Variants in RHD observed in about 807,000 individuals in gnomAD.
The protein encoded by RHD is blood group Rh(D) polypeptide.
Under a neutral mutation model 45.5 loss-of-function variants are expected in RHD, and 16 were observed. The ratio of observed to expected loss-of-function variants is 0.35; its 90% CI spans 0.24 to 0.53. The LOEUF is 0.53. RHD is among the 20% of genes least tolerant of loss of function. The pLI, the probability that RHD is intolerant of heterozygous loss-of-function variation, is 0.92. For synonymous variants in RHD, 131 were observed against 217.5 expected (o/e 0.60, Z 3.50); for missense variants, 306 against 532.0 (o/e 0.58, Z 4.18).
intron 8 of RHD, among the ~76,000 whole-genome samples, chr1:25,321,598 A>G (rs1489490527): frequency 8.0e-6 from 1 of 125,526 alleles, no homozygotes; most frequent in East Asian, 2.0e-4. Flanking sequence ...TGAACCTGGG[A>G]GGCAGAGGCT....
At chr1:25,297,140 G>A (rs28786680) in intron 3 of RHD, among the ~76,000 whole-genome samples, 101,521 of 102,096 alleles carry the variant, frequency 0.99, 50,584 homozygotes, top group Middle Eastern at 1. Context: ...TCAATCTGGA[G>A]CAGTTTCTTC....
rs559454849 is a variant in RHD, at chr1:25,273,107, T to G, written c.148+412T>G. Among the ~76,000 whole-genome samples, 7 of 130,916 alleles carry G rather than the reference T, an allele frequency of 5.3e-5. No individual in the cohort carries two copies. In the East Asian group the frequency reaches 9.8e-4, roughly 18 times the overall value. The allele number at this position is 130,916 out of a possible 152,430, so 85.9% of individuals were successfully genotyped here. ...CAATTTCATGTTGTTGGGTTTTTGG[T>G]TTTTGTTTCCTTTTTGTGGCCTCTC... is the stretch of plus-strand genomic sequence containing the variant. On this transcript the variant is annotated intron_variant, in intron 1 of 9. Coordinates refer to ENST00000328664, the MANE Select transcript of RHD (RefSeq NM_016124.6).
chr1:25,315,105 G>A (rs1304119366), intron 7 of RHD, among the ~76,000 whole-genome samples: 10 of 128,692 alleles, frequency 7.8e-5, no homozygotes, highest in Admixed American at 6.8e-4. Flanking sequence ...TCGGGAGGCT[G>A]AGATCACGCC....
chr1:25,303,548 G>A lies in RHD; in HGVS notation c.939+89G>A, dbSNP rs915378706. On this transcript the variant is annotated intron_variant, in intron 6 of 9. Coordinates refer to ENST00000328664, the MANE Select transcript of RHD (RefSeq NM_016124.6). ...ATGGGCCACTGTGCAGTGCACAGCT[G>A]CATTAGGCAGGTGTCGGCGCATTCT... The A allele has an allele frequency of 3.0e-5, 36 of 1,211,662 alleles. 8 individuals carry two copies. The highest frequency in any genetic ancestry group is 1.1e-4 in the South Asian group (9 of 80,910). The allele number at this position is 1,211,662 out of a possible 1,614,324, so 75.1% of individuals were successfully genotyped here.
In RHD at chr1:25,276,865, G is replaced by A. The variant is rs1485222516; in HGVS notation, c.148+4170G>A. Among the ~76,000 whole-genome samples the A allele has an allele frequency of 1.5e-5, 2 of 132,222 alleles. 1 individual carries two copies. The highest frequency in any genetic ancestry group is 1.5e-4 in the Admixed American group (2 of 13,608). 86.7% of individuals were successfully genotyped at this position (132,222 alleles called of 152,430 possible). ...GCAGATCACGAGGTCTGGAGATGGA[G>A]ACCATCCTGGCTAACACGATGAAAC... is the stretch of plus-strand genomic sequence containing the variant. On this transcript the variant is annotated intron_variant, in intron 1 of 9. Transcript: ENST00000328664.
At position 25,314,909 on chromosome 1, in the gene RHD, T is replaced by G. The variant is rs1406852987; in HGVS notation, c.1074-2091T>G. Among the ~76,000 whole-genome samples, 3 of 131,288 alleles carry G rather than the reference T, an allele frequency of 2.3e-5. 1 individual carries two copies. Among genetic ancestry groups the G allele is most frequent in the African/African-American group, 7.8e-5 (3 of 38,586 alleles). The allele number at this position is 131,288 out of a possible 152,430, so 86.1% of individuals were successfully genotyped here. ...TTATGTTTAGTTCTTTTATGTCCTT[T>G]TTAAGAATTTTTGCAGCCAGCGCGG... On this transcript the variant is annotated intron_variant, in intron 7 of 9. Transcript: ENST00000328664.
intron 1 of RHD, among the ~76,000 whole-genome samples, chr1:25,276,521 C>A (rs1414208604): frequency 5.0e-5 from 3 of 59,758 alleles, no homozygotes; most frequent in African/African-American, 2.1e-4. Flanking sequence ...AGGGAGACCC[C>A]CCCCCATCTC....
chr1:25,278,637 G>A (rs982415335), intron 1 of RHD, among the ~76,000 whole-genome samples: 1 of 131,226 alleles, frequency 7.6e-6, no homozygotes, highest in African/African-American at 2.6e-5. Flanking sequence ...CTTCCCTAAG[G>A]CTTCCAAACT....
Position 25,304,923 on chromosome 1 carries a change from C to T in RHD, c.939+1464C>T, listed in dbSNP as rs1333122639. On this transcript the variant is annotated intron_variant, in intron 6 of 9. Transcript: ENST00000328664. ...TGAGCTTGTTTCCTTGACTTCATCA[C>T]TGGCAGGACTATTCAAAAATGATTC... The T allele has an allele frequency of 1.5e-5, 2 of 132,174 alleles. 1 individual carries two copies. Among genetic ancestry groups the T allele is most frequent in the Non-Finnish European group, 3.6e-5 (2 of 55,922 alleles). 8.2% of individuals were successfully genotyped at this position (132,174 alleles called of 1,614,324 possible).
In RHD at chr1:25,294,373, T is replaced by A. The variant is rs555547165; in HGVS notation, c.486+3582T>A. ...AGGGCTGCAGCCAGGGAATAGTCCG[T>A]CGCAGAGCAAGGATTCAAATAAGCA... On this transcript the variant is annotated intron_variant, in intron 3 of 9. Coordinates refer to ENST00000328664, the MANE Select transcript of RHD (RefSeq NM_016124.6). 2.3e-5 allele frequency: 18 copies of A among 788,534 alleles called. 2 individuals are homozygous for A. In the South Asian group the frequency reaches 2.4e-4, roughly 10 times the overall value. The allele number at this position is 788,534 out of a possible 1,614,324, so 48.8% of individuals were successfully genotyped here. A position where few individuals can be genotyped will look rare whatever the true frequency, so the allele number is the denominator to read the frequency against.
chr1:25,314,936 G>A (rs568096811), intron 7 of RHD, among the ~76,000 whole-genome samples: 1 of 130,880 alleles, frequency 7.6e-6, no homozygotes, highest in South Asian at 2.3e-4. Context: ...CCAGCGCGGT[G>A]GCTCACACCT....
intron 2 of RHD, among the ~76,000 whole-genome samples, chr1:25,285,203 C>T (rs1291426626): frequency 7.6e-6 from 1 of 130,956 alleles, no homozygotes; most frequent in Non-Finnish European, 1.8e-5. Flanking sequence ...GGCGCTATCT[C>T]GGCACACCAC....
intron 1 of RHD, among the ~76,000 whole-genome samples, chr1:25,283,257 C>T (rs555751542): frequency 8.4e-5 from 11 of 131,670 alleles, no homozygotes; most frequent in African/African-American, 2.6e-4. Context: ...TAGGCCAGGC[C>T]CTGTGGCTCA....
intron 7 of RHD, among the ~76,000 whole-genome samples, chr1:25,309,947 G>A (rs548703851): frequency 7.6e-6 from 1 of 132,446 alleles, no homozygotes; most frequent in South Asian, 2.3e-4. Context: ...CAGCAGGTTT[G>A]GGTTTATCCT....
intron 2 of RHD, among the ~76,000 whole-genome samples, chr1:25,287,872 G>C (rs189620626): frequency 0.023 from 2,796 of 122,332 alleles, 436 homozygotes; most frequent in African/African-American, 0.068. Context: ...ACAGGCGCCT[G>C]CTACCATGCC....
rs1644959022 is a variant in RHD, at chr1:25,329,783, A to G, written c.*859A>G. The stretch of plus-strand genomic sequence containing the variant: ...ATTCTCCTGCCTCAGCCTCCCGAGT[A>G]GCTGGAATTACAAGTGCGCACTACC... On this transcript the variant is annotated 3_prime_UTR_variant, in exon 10 of 10. Transcript: ENST00000328664. 1 of 129,762 alleles carries G rather than the reference A, an allele frequency of 7.7e-6. No individual in the cohort carries two copies. Among genetic ancestry groups the G allele is most frequent in the South Asian group, 2.3e-4 (1 of 4,342 alleles). The allele number at this position is 129,762 out of a possible 1,614,324, so 8.0% of individuals were successfully genotyped here.
At position 25,275,535 on chromosome 1, in the gene RHD, G is replaced by A. The variant is rs141951762; in HGVS notation, c.148+2840G>A. Among the ~76,000 whole-genome samples the A allele has an allele frequency of 8.4e-4, 111 of 131,668 alleles. 13 individuals are homozygous for A. The highest frequency in any genetic ancestry group is 2.2e-3 in the African/African-American group (85 of 38,748). 86.4% of individuals were successfully genotyped at this position (131,668 alleles called of 152,430 possible). ...ATTGACCTGAGGACTTCAACATTCT[G>A]ATGGTGTACACACGATTTTTTGAGC... On this transcript the variant is annotated intron_variant, in intron 1 of 9. Transcript: ENST00000328664.
In RHD at chr1:25,289,297, C is replaced by T. The variant is rs1350153559; in HGVS notation, c.336-1344C>T. Among the ~76,000 whole-genome samples the T allele has an allele frequency of 1.5e-4, 19 of 130,784 alleles. 3 individuals are homozygous for T. The highest frequency in any genetic ancestry group is 3.4e-4 in the African/African-American group (13 of 38,452). 85.8% of individuals were successfully genotyped at this position (130,784 alleles called of 152,430 possible). ...GAAACCTCTGCCTCCCGGGTTCAAG[C>T]GACTGCCATGCCTCAGCCTCGAGAG... On this transcript the variant is annotated intron_variant, in intron 2 of 9. Transcript: ENST00000328664.
intron 1 of RHD, among the ~76,000 whole-genome samples, chr1:25,273,887 G>A (rs1474286432): frequency 6.2e-5 from 8 of 129,268 alleles, no homozygotes; most frequent in African/African-American, 2.1e-4. Flanking sequence ...CATCCTGGGG[G>A]CCATGGCAGT....
Sources: gnomAD v4.1 joint callset for allele counts (sites outside exome capture counted in the v4.1 genomes callset) on GRCh38, gnomAD v4.1.1 for gene constraint, MANE v1.5 for transcripts, NCBI Gene and HGNC (gene_info 2026-07-23, HGNC 2026-07-21) for gene names.